Variants in GLG1 observed in about 807,000 individuals in gnomAD.
GLG1 encodes the protein Golgi apparatus protein 1.
GLG1 carries 38 observed loss-of-function variants against 160.5 expected under a neutral mutation model. The ratio of observed to expected loss-of-function variants is 0.24; its 90% CI spans 0.18 to 0.31. GLG1 has a LOEUF of 0.31. GLG1 is among the 10% of genes least tolerant of loss of function. GLG1 has a pLI of 1.00. For synonymous variants in GLG1, 644 were observed against 543.4 expected, an observed-to-expected ratio of 1.19 and a Z score of -2.57; for missense variants, 1,373 against 1,505.2, an observed-to-expected ratio of 0.91 and a Z score of 1.45.
chr16:74,591,256 G>A (rs1270158236), intron 1 of GLG1, among the ~76,000 whole-genome samples: 4 of 152,038 alleles, frequency 2.6e-5, no homozygotes, highest in African/African-American at 7.2e-5. Context: ...ACTTGAACCC[G>A]GGAGGCGGAG....
chr16:74,512,428 T>C (rs577262326), intron 2 of GLG1, among the ~76,000 whole-genome samples: 1 of 152,026 alleles, frequency 6.6e-6, no homozygotes, highest in African/African-American at 2.4e-5. Context: ...CACATCCAGC[T>C]ACATTTTTGA....
chr16:74,471,923 T>TCTTTTTC (rs10666363), intron 14 of GLG1, among the ~76,000 whole-genome samples: 2 of 151,946 alleles, frequency 1.3e-5, no homozygotes, highest in Non-Finnish European at 2.9e-5. Flanking sequence ...TTTTCTTTTT[T>TCTTTTTC]AGACAGGGTC....
intron 2 of GLG1, among the ~76,000 whole-genome samples, chr16:74,525,840 A>G (rs955477092): frequency 6.6e-6 from 1 of 151,484 alleles, no homozygotes; most frequent in Admixed American, 6.6e-5. Context: ...CTGATGCACA[A>G]AAGTTTTTAA....
At chr16:74,467,957 A>G in intron 17 of GLG1, 109 bp from the exon 18 acceptor site, 1 of 698,344 alleles carries the variant, frequency 1.4e-6, no homozygotes, top group South Asian at 1.8e-5. Context: ...CCTGGCTTCT[A>G]CATAGCAAAG....
At chr16:74,551,526 C>A in intron 1 of GLG1, among the ~76,000 whole-genome samples, 1 of 149,436 alleles carries the variant, frequency 6.7e-6, no homozygotes, top group Non-Finnish European at 1.5e-5. Flanking sequence ...CCATGTTGGC[C>A]ATGCTGGTCT....
At position 74,453,224 on chromosome 16, in the gene GLG1, A is replaced by G. The variant is rs1348415509; in HGVS notation, c.3483T>C (p.Ile1161=). 6.2e-7 allele frequency: 1 copy of G among 1,614,030 alleles called. No homozygotes were observed. The highest frequency in any genetic ancestry group is 1.1e-5 in the South Asian group (1 of 91,086). ...ISGSICILFL[I]GLMCGRITKR... ...TGGTGATCCGTCCACACATCAGGCC[A>G]ATCAGGAACAATATACAGATGCTCC... is the stretch of plus-strand genomic sequence containing the variant. The change falls in exon 26 of 26, where the codon ATT becomes ATC. Residue 1161 remains isoleucine, a synonymous_variant. Coordinates refer to ENST00000422840, the MANE Select transcript of GLG1 (RefSeq NM_001145667.2).
chr16:74,578,600 A>G (rs1217882632), intron 1 of GLG1, among the ~76,000 whole-genome samples: 1 of 152,246 alleles, frequency 6.6e-6, no homozygotes, highest in African/African-American at 2.4e-5. Context: ...TCAACCTGAT[A>G]GCGCTCTGAC....
chr16:74,537,759 T>C (rs1197877759), intron 1 of GLG1, among the ~76,000 whole-genome samples: 2 of 139,742 alleles, frequency 1.4e-5, no homozygotes, highest in Non-Finnish European at 3.1e-5. Context: ...ATGCAGATAA[T>C]TTGTATATTA....
chr16:74,505,352 C>T (rs564242104), intron 3 of GLG1, among the ~76,000 whole-genome samples: 1 of 152,354 alleles, frequency 6.6e-6, no homozygotes, highest in East Asian at 1.9e-4. Flanking sequence ...GTTTCAGAGA[C>T]AGCAGAGATT....
chr16:74,534,832 T>A (rs945966181), intron 1 of GLG1, among the ~76,000 whole-genome samples: 4 of 152,144 alleles, frequency 2.6e-5, no homozygotes, highest in South Asian at 2.1e-4. Flanking sequence ...GTTAATTGAG[T>A]CTCCATGGAT....
At chr16:74,604,696 G>T (rs1958524216) in intron 1 of GLG1, among the ~76,000 whole-genome samples, 1 of 152,044 alleles carries the variant, frequency 6.6e-6, no homozygotes, top group Non-Finnish European at 1.5e-5. Context: ...CAAACACATA[G>T]ATCAGATTTA....
In GLG1 at chr16:74,508,897, G is replaced by T; in HGVS notation, c.500C>A (p.Thr167Asn). The T allele has an allele frequency of 6.7e-7, 1 of 1,496,516 alleles. No individual in the cohort carries two copies. The highest frequency in any genetic ancestry group is 9.3e-7 in the Non-Finnish European group (1 of 1,074,890). 92.7% of individuals were successfully genotyped at this position (1,496,516 alleles called of 1,614,324 possible). Residue 167 changes from threonine to asparagine, a missense_variant, in exon 3 of 26, where the codon ACT becomes AAT. Thr to Asn is a moderately conservative substitution (Grantham distance 65). Around this residue, in one of 4 missense-constraint regions of GLG1, gnomAD observed 322 missense variants for 254.6 expected, o/e 1.26. Coordinates refer to ENST00000422840, the MANE Select transcript of GLG1 (RefSeq NM_001145667.2). The stretch of plus-strand genomic sequence containing the variant: ...CACAGATTCAAATTTGGGATCTGTA[G>T]TTAGGTTCAGCTTATAATTCCACAA... ...HLLWNYKLNL[T>N]TDPKFESVAR...
At chr16:74,532,512 A>C (rs57772302) in intron 1 of GLG1, among the ~76,000 whole-genome samples, 6 of 152,032 alleles carry the variant, frequency 3.9e-5, no homozygotes, top group African/African-American at 1.4e-4. Flanking sequence ...AAGTCGCTCA[A>C]TTTTTATTTA....
intron 3 of GLG1, among the ~76,000 whole-genome samples, chr16:74,505,447 C>T (rs970451934): frequency 1.3e-5 from 2 of 152,110 alleles, no homozygotes; most frequent in Non-Finnish European, 2.9e-5. Flanking sequence ...TGGCTGGGCA[C>T]GGTGGCTCAT....
chr16:74,504,356 C>T (rs1177599304), intron 3 of GLG1, among the ~76,000 whole-genome samples: 2 of 152,132 alleles, frequency 1.3e-5, no homozygotes, highest in African/African-American at 2.4e-5. Flanking sequence ...GACATGATCT[C>T]GGCTCACTGA....
rs71158522 is a variant in GLG1, at chr16:74,527,245, C to CTTTTT, written c.471+4871_471+4875dup. Among the ~76,000 whole-genome samples the CTTTTT allele has an allele frequency of 6.4e-3, 533 of 82,992 alleles. 8 individuals carry two copies. Among genetic ancestry groups the CTTTTT allele is most frequent in the Middle Eastern group, 0.023 (2 of 86 alleles). 54.4% of individuals were successfully genotyped at this position (82,992 alleles called of 152,430 possible). ...GTTATTGTTTTGGCTTAAGTCAGTT[C>CTTTTT]TTTTTTTTTTTTTTTTTTTTTGAGA... On this transcript the variant is annotated intron_variant, in intron 2 of 25. Transcript: ENST00000422840.
chr16:74,588,892 A>G (rs898278147), intron 1 of GLG1, among the ~76,000 whole-genome samples: 1 of 152,114 alleles, frequency 6.6e-6, no homozygotes, highest in African/African-American at 2.4e-5. Flanking sequence ...ACTAAGAATA[A>G]TCAAATAGGG....
chr16:74,472,039 G>A (rs946806636), intron 14 of GLG1, among the ~76,000 whole-genome samples: 40 of 152,196 alleles, frequency 2.6e-4, no homozygotes, highest in African/African-American at 8.2e-4. Flanking sequence ...TAGGTAACTG[G>A]AACTACAGGT....
chr16:74,505,155 T>G (rs1473259880), intron 3 of GLG1, among the ~76,000 whole-genome samples: 5 of 152,150 alleles, frequency 3.3e-5, no homozygotes, highest in Admixed American at 2.0e-4. Flanking sequence ...AAACACAATC[T>G]CCTCTTCCAA....
Sources: allele counts gnomAD v4.1 joint callset (sites outside exome capture counted in the v4.1 genomes callset), GRCh38; gene constraint gnomAD v4.1.1; regional missense constraint gnomAD v4.1.1; transcripts MANE v1.5; gene names NCBI Gene and HGNC (gene_info 2026-07-23, HGNC 2026-07-21).